The following ST3GAL3 variants were observed in gnomAD, a reference collection of about 807,000 sequenced individuals.
ST3GAL3 encodes CMP-N-acetylneuraminate-beta-1,4-galactoside alpha-2,3-sialyltransferase.
A neutral mutation model predicts 50.1 loss-of-function variants in ST3GAL3; 21 were observed. The ratio of observed to expected loss-of-function variants is 0.42; its 90% CI spans 0.30 to 0.60. The LOEUF (loss-of-function observed/expected upper bound fraction) is 0.60. Ranked by LOEUF, ST3GAL3 falls within the 20% of genes least tolerant of loss-of-function variation. The probability of loss-of-function intolerance (pLI) is 0.19; values close to 1 mark genes in which losing one functional copy is unlikely to be tolerated. For synonymous variants in ST3GAL3, 183 were observed against 190.0 expected, an observed-to-expected ratio of 0.96 and a Z score of 0.30; for missense variants, 353 against 489.4, an observed-to-expected ratio of 0.72 and a Z score of 2.63.
intron 5 of ST3GAL3, chr1:43,851,389 G>C: frequency 2.5e-6 from 4 of 1,606,578 alleles, no homozygotes; most frequent in Non-Finnish European, 3.4e-6. Flanking sequence ...CCTGAGCAAG[G>C]CTGGACGTTG....
intron 2 of ST3GAL3, among the ~76,000 whole-genome samples, chr1:43,782,067 A>G (rs1004356018): frequency 1.3e-5 from 2 of 152,222 alleles, no homozygotes. Flanking sequence ...AGTTAACTGA[A>G]CCTGCTCTTT....
At chr1:43,729,347 G>A (rs185525589) in intron 1 of ST3GAL3, among the ~76,000 whole-genome samples, 17 of 152,094 alleles carry the variant, frequency 1.1e-4, no homozygotes, top group Non-Finnish European at 2.4e-4. Context: ...CCCAAAGTAC[G>A]GGGATTACAG....
chr1:43,842,048 CTGTTTGCT>C (rs2065464765), intron 5 of ST3GAL3: 1 of 152,222 alleles, frequency 6.6e-6, no homozygotes, highest in Non-Finnish European at 1.5e-5. Context: ...TGCAACCAAG[CTGTTTGCT>C]AAGGCATAAC....
chr1:43,777,872 A>G lies in ST3GAL3; in HGVS notation c.119-14230A>G, dbSNP rs141046216. Among the ~76,000 whole-genome samples, 1,049 of 152,352 alleles carry G rather than the reference A, an allele frequency of 6.9e-3. 13 individuals are homozygous for G. Among genetic ancestry groups the G allele is most frequent in the African/African-American group, 0.024 (1,001 of 41,576 alleles). On this transcript the variant is annotated intron_variant, in intron 2 of 11. Transcript: ENST00000347631. ...AACCATTGTGGAAGACAGTGTGGCAATTCCTTAAAGATCTAGAAGCAGAAA... is the reference window on the plus strand; with the variant it reads ...AACCATTGTGGAAGACAGTGTGGCAGTTCCTTAAAGATCTAGAAGCAGAAA...
At chr1:43,840,888 C>G (rs540254633) in intron 5 of ST3GAL3, 1 of 152,290 alleles carries the variant, frequency 6.6e-6, no homozygotes, top group Admixed American at 6.5e-5. Context: ...TGCTTACTTT[C>G]GAGATACAAT....
intron 6 of ST3GAL3, 29 bp from the exon 7 acceptor site, chr1:43,898,206 T>C: frequency 6.2e-7 from 1 of 1,612,266 alleles, no homozygotes; most frequent in Non-Finnish European, 8.5e-7. Context: ...AGTGACCCTG[T>C]AACAGAAACC....
intron 5 of ST3GAL3, among the ~76,000 whole-genome samples, chr1:43,863,564 C>G (rs569158745): frequency 1.3e-5 from 2 of 152,320 alleles, no homozygotes; most frequent in South Asian, 4.1e-4. Context: ...AAGCTTCAGA[C>G]CAAGGGTGAG....
intron 4 of ST3GAL3, among the ~76,000 whole-genome samples, chr1:43,820,730 C>G (rs1019934966): frequency 2.0e-5 from 3 of 150,566 alleles, no homozygotes; most frequent in African/African-American, 7.3e-5. Flanking sequence ...ATTCAGAATA[C>G]TGATGTGCAA....
At chr1:43,781,903 C>T (rs1294651681) in intron 2 of ST3GAL3, among the ~76,000 whole-genome samples, 1 of 152,178 alleles carries the variant, frequency 6.6e-6, no homozygotes, top group Non-Finnish European at 1.5e-5. Context: ...TGCGGTTTGC[C>T]AGTTACCCAT....
chr1:43,923,468 A>C (rs1332757903), intron 11 of ST3GAL3, among the ~76,000 whole-genome samples: 7 of 152,126 alleles, frequency 4.6e-5, no homozygotes, highest in African/African-American at 1.7e-4. Flanking sequence ...ACAGAAATTC[A>C]TATCCCACAG....
intron 3 of ST3GAL3, among the ~76,000 whole-genome samples, chr1:43,813,867 A>ACG (rs2060864230): frequency 6.0e-5 from 1 of 16,730 alleles, no homozygotes; most frequent in African/African-American, 1.7e-4. Context: ...CTAGACACAC[A>ACG]CACACACACA....
chr1:43,711,717 G>A (rs184093685), intron 1 of ST3GAL3, among the ~76,000 whole-genome samples: 41 of 152,292 alleles, frequency 2.7e-4, no homozygotes, highest in Non-Finnish European at 4.7e-4. Context: ...TGTTACATCC[G>A]AGTTATGACA....
chr1:43,930,250 C>T lies in ST3GAL3; in HGVS notation c.*29C>T. The T allele has an allele frequency of 1.3e-6, 2 of 1,596,580 alleles. No homozygotes were observed. On this transcript the variant is annotated 3_prime_UTR_variant, in exon 12 of 12. Transcript: ENST00000347631. ...GGCCCAGCACATGGCCATAGAGGCC[C>T]AGGCACCACCAGGAGCAGCAGCCAG...
intron 5 of ST3GAL3, among the ~76,000 whole-genome samples, chr1:43,843,634 A>G (rs1382837405): frequency 3.3e-5 from 5 of 152,210 alleles, no homozygotes; most frequent in Non-Finnish European, 7.3e-5. Context: ...TCTTTCTACA[A>G]ATTTTGTGTA....
chr1:43,898,210 A>C (rs767440562), intron 6 of ST3GAL3, 25 bp from the exon 7 acceptor site: 1 of 1,613,506 alleles, frequency 6.2e-7, no homozygotes, highest in South Asian at 1.1e-5. Context: ...ACCCTGTAAC[A>C]GAAACCTCTC....
intron 3 of ST3GAL3, chr1:43,801,472 G>C: frequency 2.3e-6 from 1 of 430,328 alleles, no homozygotes; most frequent in African/African-American, 2.0e-5. Context: ...GAACCTTCAA[G>C]AAGCTCTCTC....
chr1:43,905,838 TCTC>T (rs2079416519), intron 9 of ST3GAL3, among the ~76,000 whole-genome samples: 1 of 126,276 alleles, frequency 7.9e-6, no homozygotes, highest in Non-Finnish European at 1.7e-5. Context: ...CACTCTTCTT[TCTC>T]CTCCTCCTGT....
At chr1:43,800,383 G>T (rs1226777834) in intron 3 of ST3GAL3, among the ~76,000 whole-genome samples, 1 of 152,204 alleles carries the variant, frequency 6.6e-6, no homozygotes, top group African/African-American at 2.4e-5. Flanking sequence ...GGAGCTATTT[G>T]CACTTTGGCC....
intron 2 of ST3GAL3, among the ~76,000 whole-genome samples, chr1:43,776,173 C>T (rs1697156958): frequency 6.6e-6 from 1 of 152,144 alleles, no homozygotes; most frequent in Non-Finnish European, 1.5e-5. Context: ...TTCATTACCC[C>T]AAAAAGAAAT....
Sources: gnomAD v4.1 joint callset for allele counts (sites outside exome capture counted in the v4.1 genomes callset) on GRCh38, gnomAD v4.1.1 for gene constraint, MANE v1.5 for transcripts, NCBI Gene and HGNC (gene_info 2026-07-23, HGNC 2026-07-21) for gene names.